RIMBP2: variants seen among roughly 807,000 people sequenced by gnomAD.
The protein encoded by RIMBP2 is RIMS binding protein 2, also known as RIMS-binding protein 2.
In RIMBP2, 48 loss-of-function variants were observed where a neutral mutation model predicts 118.6. That is an observed-to-expected ratio of 0.40 (90% CI 0.32 to 0.51). The LOEUF is 0.51. RIMBP2 is among the 20% of genes least tolerant of loss of function. RIMBP2 has a pLI of 0.41. For missense variants in RIMBP2, 1,551 were observed against 1,768.3 expected, an observed-to-expected ratio of 0.88 and a Z score of 2.20; for synonymous variants, 762 against 742.9, an observed-to-expected ratio of 1.03 and a Z score of -0.42.
At chr12:130,473,789 A>G (rs1566101662) in intron 5 of RIMBP2, among the ~76,000 whole-genome samples, 1 of 152,078 alleles carries the variant, frequency 6.6e-6, no homozygotes, top group Non-Finnish European at 1.5e-5. Context: ...GTCAGCTATG[A>G]CCCACCGCAG....
At chr12:130,423,327 G>A (rs903863632) in intron 16 of RIMBP2, among the ~76,000 whole-genome samples, 2 of 152,188 alleles carry the variant, frequency 1.3e-5, no homozygotes, top group South Asian at 2.1e-4. Context: ...GCGGGCTGCC[G>A]TGGGCGGCTG....
chr12:130,712,284 T>C (rs1421466420), intron 1 of RIMBP2, among the ~76,000 whole-genome samples: 1 of 152,220 alleles, frequency 6.6e-6, no homozygotes, highest in East Asian at 1.9e-4. Context: ...ATTTTTTACC[T>C]TTTGGACTCT....
chr12:130,506,203 A>T (rs2050329162), intron 4 of RIMBP2, among the ~76,000 whole-genome samples: 2 of 152,138 alleles, frequency 1.3e-5, no homozygotes, highest in Non-Finnish European at 2.9e-5. Flanking sequence ...CATGAGGAAC[A>T]TCCAGTTACC....
intron 1 of RIMBP2, among the ~76,000 whole-genome samples, chr12:130,642,222 G>A (rs1156324242): frequency 1.3e-5 from 2 of 152,140 alleles, no homozygotes; most frequent in African/African-American, 4.8e-5. Context: ...CCCAAATGAT[G>A]CCCCACACTC....
intron 1 of RIMBP2, among the ~76,000 whole-genome samples, chr12:130,664,451 A>ACACC (rs1566439309): frequency 1.2e-5 from 1 of 80,902 alleles, no homozygotes; most frequent in South Asian, 4.3e-4. Context: ...ACACACGCAC[A>ACACC]CACATGCACG....
At chr12:130,682,330 G>C (rs562583345) in intron 1 of RIMBP2, among the ~76,000 whole-genome samples, 6 of 152,322 alleles carry the variant, frequency 3.9e-5, no homozygotes, top group South Asian at 4.1e-4. Flanking sequence ...CCAGCCCCAA[G>C]ATGGAAGAAA....
intron 2 of RIMBP2, among the ~76,000 whole-genome samples, chr12:130,593,030 G>A (rs1320525874): frequency 6.6e-6 from 1 of 152,194 alleles, no homozygotes; most frequent in Non-Finnish European, 1.5e-5. Flanking sequence ...CGCTCGGATA[G>A]AATCCACATC....
intron 2 of RIMBP2, among the ~76,000 whole-genome samples, chr12:130,607,120 A>C (rs2060240199): frequency 6.6e-6 from 1 of 152,024 alleles, no homozygotes; most frequent in Non-Finnish European, 1.5e-5. Context: ...ATGAGCCACC[A>C]CGGCCGGCCC....
rs1279395252 is a variant in RIMBP2, at chr12:130,431,267, C to T, written c.2254-2930G>A. ...TGGAGGCTTCCACCCACTAGAACAT[C>T]GGTGTCTTGGAGCAGATGGGATAGC... On this transcript the variant is annotated intron_variant, in intron 14 of 22. Coordinates refer to ENST00000690449, the MANE Select transcript of RIMBP2 (RefSeq NM_001393629.1). This position sits in a 1 kb window ranked among gnomAD's most constrained non-coding sequence, Gnocchi z 4.0. Among the ~76,000 whole-genome samples, 4 of 152,078 alleles carry T rather than the reference C, an allele frequency of 2.6e-5. No homozygotes were observed. The highest frequency in any genetic ancestry group is 6.5e-5 in the Admixed American group (1 of 15,280).
chr12:130,417,009 A>G (rs750524711), intron 17 of RIMBP2, among the ~76,000 whole-genome samples: 17 of 152,334 alleles, frequency 1.1e-4, no homozygotes, highest in South Asian at 2.1e-4. Flanking sequence ...ATCACTAATC[A>G]TTAGAGAAAT....
chr12:130,497,670 TTTTTG>T (rs1244659702), intron 4 of RIMBP2, among the ~76,000 whole-genome samples: 46 of 152,202 alleles, frequency 3.0e-4, no homozygotes, highest in Admixed American at 2.9e-3. Flanking sequence ...CATGAGGCTT[TTTTTG>T]TTTTGTTTTT....
intron 1 of RIMBP2, among the ~76,000 whole-genome samples, chr12:130,674,381 A>G (rs1385129923): frequency 2.0e-5 from 3 of 152,164 alleles, no homozygotes; most frequent in Non-Finnish European, 4.4e-5. Flanking sequence ...TCTTTACCGC[A>G]GTGTGAGAAT....
chr12:130,524,927 G>A (rs1040891646), intron 2 of RIMBP2, among the ~76,000 whole-genome samples: 8 of 152,196 alleles, frequency 5.3e-5, no homozygotes, highest in South Asian at 2.1e-4. Flanking sequence ...GATGGGGCAC[G>A]TTCGGTTGCG....
At chr12:130,662,492 C>T (rs1175952593) in intron 1 of RIMBP2, among the ~76,000 whole-genome samples, 2 of 152,062 alleles carry the variant, frequency 1.3e-5, no homozygotes, top group Admixed American at 1.3e-4. Context: ...CCCATCTCTA[C>T]TAAAAATTCA....
chr12:130,608,029 G>C lies in RIMBP2; in HGVS notation c.-217+20293C>G, dbSNP rs1043467478. On this transcript the variant is annotated intron_variant, in intron 2 of 22. Transcript: ENST00000690449. ...GGAAACTTGCCACTGAAGTAAATATGCTCAAAACATTGATTTTTTTCCTTG... is the reference window on the plus strand; with the variant it reads ...GGAAACTTGCCACTGAAGTAAATATCCTCAAAACATTGATTTTTTTCCTTG... Among the ~76,000 whole-genome samples, 4 of 152,144 alleles carry C rather than the reference G, an allele frequency of 2.6e-5. No homozygotes were observed. In the East Asian group the frequency reaches 7.7e-4, roughly 29 times the overall value.
chr12:130,524,175 GGACAT>G (rs1213876705), intron 2 of RIMBP2, among the ~76,000 whole-genome samples: 2 of 152,142 alleles, frequency 1.3e-5, no homozygotes, highest in African/African-American at 4.8e-5. Flanking sequence ...CAGTGAGAGT[GGACAT>G]GGTAATTAAC....
At chr12:130,634,750 C>T (rs996775866) in intron 1 of RIMBP2, among the ~76,000 whole-genome samples, 5 of 152,070 alleles carry the variant, frequency 3.3e-5, no homozygotes, top group African/African-American at 1.2e-4. Flanking sequence ...TACCACCATG[C>T]CTGGCTAATG....
intron 5 of RIMBP2, among the ~76,000 whole-genome samples, chr12:130,476,186 C>T (rs796720018): frequency 3.9e-5 from 6 of 152,266 alleles, no homozygotes; most frequent in Admixed American, 6.5e-5. Flanking sequence ...TCAAAGAAAA[C>T]GAGGACAGAG....
At chr12:130,546,122 T>C (rs1324542682) in intron 2 of RIMBP2, among the ~76,000 whole-genome samples, 7 of 72,218 alleles carry the variant, frequency 9.7e-5, no homozygotes, top group Admixed American at 1.9e-4. Flanking sequence ...TTTTTTGGGA[T>C]GGAGTCTCAC....
Sources: gnomAD v4.1 joint callset for allele counts (sites outside exome capture counted in the v4.1 genomes callset) on GRCh38, gnomAD v4.1.1 for gene constraint, Gnocchi (gnomAD v3.1) non-coding constraint, MANE v1.5 for transcripts, NCBI Gene and HGNC (gene_info 2026-07-23, HGNC 2026-07-21) for gene names.